Variants in UGGT2 observed in about 807,000 individuals in gnomAD.
The protein encoded by UGGT2 is UDP-glucose glycoprotein glucosyltransferase 2, also known as UDP-glucose:glycoprotein glucosyltransferase 2.
Under a neutral mutation model 192.1 loss-of-function variants are expected in UGGT2, and 180 were observed. The ratio of observed to expected loss-of-function variants is 0.94; its 90% CI spans 0.83 to 1.06. The LOEUF is 1.06. UGGT2 is among the 50% of genes least tolerant of loss of function. The probability of loss-of-function intolerance (pLI) is 0.00; values close to 1 mark genes in which losing one functional copy is unlikely to be tolerated. For synonymous variants in UGGT2, 580 were observed against 591.0 expected (o/e 0.98, Z 0.27); for missense variants, 1,849 against 1,795.7 (o/e 1.03, Z -0.54).
At chr13:95,920,104 G>A (rs1238682075) in intron 20 of UGGT2, among the ~76,000 whole-genome samples, 1 of 152,166 alleles carries the variant, frequency 6.6e-6, no homozygotes, top group Non-Finnish European at 1.5e-5. Flanking sequence ...AATGGGGAAA[G>A]GGTTCCCTAT....
At position 95,986,349 on chromosome 13, in the gene UGGT2, A is replaced by G. The variant is rs1278095041; in HGVS notation, c.1015T>C (p.Phe339Leu). 1 of 1,596,494 alleles carries G rather than the reference A, an allele frequency of 6.3e-7. No homozygotes were observed. The highest frequency in any genetic ancestry group is 8.6e-7 in the Non-Finnish European group (1 of 1,165,920). Residue 339 changes from phenylalanine (F) to leucine (L), a missense_variant, in exon 9 of 39, where the codon TTC becomes CTC. Transcript: ENST00000376747. The stretch of plus-strand genomic sequence containing the variant: ...TTAACATACCTGGCTTTTATGGGGA[A>G]GTTCTGTGAAATGTCTTTCATTAAT... ...IKLMKDISQN[F>L]PIKARSLTRI...
chr13:95,955,086 A>C (rs2050174460), intron 12 of UGGT2, among the ~76,000 whole-genome samples: 1 of 152,216 alleles, frequency 6.6e-6, no homozygotes, highest in Non-Finnish European at 1.5e-5. Context: ...TGGTTTGTTT[A>C]CTCAGTGTAG....
chr13:95,838,354 T>C (rs1206892146), intron 36 of UGGT2, among the ~76,000 whole-genome samples: 2 of 152,210 alleles, frequency 1.3e-5, no homozygotes, highest in Non-Finnish European at 2.9e-5. Flanking sequence ...GAAGACTCCA[T>C]AGTCAAGATA....
chr13:95,855,347 T>C (rs992269810), intron 34 of UGGT2, among the ~76,000 whole-genome samples: 1 of 152,130 alleles, frequency 6.6e-6, no homozygotes, highest in Admixed American at 6.5e-5. Context: ...ATTTACTTTA[T>C]ATTTTCATTT....
intron 24 of UGGT2, 84 bp from the exon 25 acceptor site, chr13:95,891,048 T>C (rs1476567450): frequency 1.9e-5 from 19 of 978,500 alleles, no homozygotes; most frequent in Non-Finnish European, 2.8e-5. Context: ...ATAATTCTTA[T>C]AAATTGTTTT....
intron 14 of UGGT2, among the ~76,000 whole-genome samples, chr13:95,947,605 C>G (rs1403954014): frequency 6.6e-6 from 1 of 152,024 alleles, no homozygotes; most frequent in African/African-American, 2.4e-5. Context: ...TGCGCACCAC[C>G]ACGCCTTGCT....
intron 4 of UGGT2, among the ~76,000 whole-genome samples, chr13:96,021,468 A>C (rs1165080442): frequency 1.3e-5 from 2 of 152,210 alleles, no homozygotes; most frequent in Non-Finnish European, 2.9e-5. Context: ...TCCTATATTA[A>C]CTCATCCAGA....
At chr13:95,942,229 T>G (rs112342442) in intron 15 of UGGT2, among the ~76,000 whole-genome samples, 26 of 35,406 alleles carry the variant, frequency 7.3e-4, no homozygotes, top group African/African-American at 1.2e-3. Flanking sequence ...AGGGTGTGTG[T>G]GTGTGTGTGT....
chr13:95,898,500 A>G (rs2389530), intron 22 of UGGT2, among the ~76,000 whole-genome samples: 41,320 of 152,058 alleles, frequency 0.27, 6,968 homozygotes, highest in Non-Finnish European at 0.37. Context: ...GATATTTGAC[A>G]TGGCTTCCTC....
At chr13:95,801,869 A>C (rs1404052221) in intron 38 of UGGT2, 57 bp from the exon 39 acceptor site, 8 of 1,596,630 alleles carry the variant, frequency 5.0e-6, no homozygotes, top group Non-Finnish European at 6.9e-6. Context: ...AAATATCTTA[A>C]ATATTACTTA....
intron 26 of UGGT2, chr13:95,887,249 C>G (rs992360801): frequency 2.0e-6 from 1 of 510,202 alleles, no homozygotes; most frequent in African/African-American, 1.9e-5. Flanking sequence ...TCTTAAAAAG[C>G]TATACTAGTG....
intron 7 of UGGT2, 173 bp from the exon 8 acceptor site, chr13:95,990,246 G>A: frequency 1.3e-5 from 5 of 394,240 alleles, no homozygotes; most frequent in South Asian, 5.2e-5. Context: ...AAAATAATGA[G>A]GAAGATATAC....
chr13:95,998,494 T>C (rs973601264), intron 6 of UGGT2, among the ~76,000 whole-genome samples: 3 of 152,126 alleles, frequency 2.0e-5, no homozygotes, highest in African/African-American at 4.8e-5. Flanking sequence ...AGGGCCTCTA[T>C]ATGAAAAAAC....
chr13:95,847,355 T>G (rs1005673596), intron 36 of UGGT2, among the ~76,000 whole-genome samples: 24 of 152,178 alleles, frequency 1.6e-4, no homozygotes, highest in African/African-American at 5.8e-4. Context: ...TTTCTTGGTG[T>G]TGTACATTCT....
intron 4 of UGGT2, among the ~76,000 whole-genome samples, chr13:96,022,064 A>C (rs2052530376): frequency 6.6e-6 from 1 of 152,084 alleles, no homozygotes; most frequent in Non-Finnish European, 1.5e-5. Flanking sequence ...CCTGTCAGAA[A>C]CTGGATAATA....
intron 29 of UGGT2, 118 bp downstream of exon 29, chr13:95,877,161 C>G: frequency 1.2e-6 from 1 of 835,794 alleles, no homozygotes; most frequent in Non-Finnish European, 1.8e-6. Context: ...GGATTACAGG[C>G]TTGAGCCACT....
At chr13:96,026,200 G>A (rs919889726) in intron 2 of UGGT2, among the ~76,000 whole-genome samples, 1 of 152,008 alleles carries the variant, frequency 6.6e-6, no homozygotes, top group Non-Finnish European at 1.5e-5. Context: ...ACAACTCTGG[G>A]GCTCTAAAGT....
intron 4 of UGGT2, among the ~76,000 whole-genome samples, chr13:96,019,768 T>C (rs2052460029): frequency 6.6e-6 from 1 of 152,188 alleles, no homozygotes; most frequent in Non-Finnish European, 1.5e-5. Flanking sequence ...GAATGTATTA[T>C]ATTTAACCAA....
intron 38 of UGGT2, among the ~76,000 whole-genome samples, chr13:95,815,408 A>G (rs927310926): frequency 6.6e-6 from 1 of 152,208 alleles, no homozygotes; most frequent in Non-Finnish European, 1.5e-5. Flanking sequence ...GCCACAGGAC[A>G]TAAGTCCAAT....
Sources: gnomAD v4.1 joint callset for allele counts (sites outside exome capture counted in the v4.1 genomes callset) on GRCh38, gnomAD v4.1.1 for gene constraint, MANE v1.5 for transcripts, NCBI Gene and HGNC (gene_info 2026-07-23, HGNC 2026-07-21) for gene names.